Variants in FGFR3 observed in about 807,000 individuals in gnomAD.
FGFR3 encodes the protein FGFR-3.
A neutral mutation model predicts 82.9 loss-of-function variants in FGFR3; 25 were observed. That is an observed-to-expected ratio of 0.30 (90% CI 0.22 to 0.42). The LOEUF is 0.42. Ranked by LOEUF, FGFR3 falls within the 10% of genes least tolerant of loss-of-function variation. The pLI is 1.00. For missense variants in FGFR3, 1,026 were observed against 1,161.0 expected (o/e 0.88, Z 1.69); for synonymous variants, 620 against 516.0 (o/e 1.20, Z -2.73).
rs1722159320 is a variant in FGFR3, at chr4:1,807,831, T to C, written c.*569T>C. The C allele has an allele frequency of 2.2e-6, 1 of 453,016 alleles. No individual in the cohort carries two copies. Among genetic ancestry groups the C allele is most frequent in the African/African-American group, 2.0e-5 (1 of 51,178 alleles). 28.1% of individuals were successfully genotyped at this position (453,016 alleles called of 1,614,324 possible). ...ACCTGAAGATGGGAGCCTTTACCTTTTATGCAAAAGGTTTATTCCGGAAAC... is the reference window on the plus strand; with the variant it reads ...ACCTGAAGATGGGAGCCTTTACCTTCTATGCAAAAGGTTTATTCCGGAAAC... On this transcript the variant is annotated 3_prime_UTR_variant, in exon 18 of 18. Coordinates refer to ENST00000440486, the MANE Select transcript of FGFR3 (RefSeq NM_000142.5).
intron 2 of FGFR3, among the ~76,000 whole-genome samples, chr4:1,798,011 G>A (rs1344363834): frequency 6.6e-6 from 1 of 152,154 alleles, no homozygotes; most frequent in Non-Finnish European, 1.5e-5. Context: ...AGGCTGCCTG[G>A]GGGACCACCC....
intron 2 of FGFR3, 93 bp from the exon 3 acceptor site, chr4:1,799,161 C>G: frequency 6.3e-7 from 1 of 1,576,152 alleles, no homozygotes; most frequent in East Asian, 2.2e-5. Flanking sequence ...CAGAGCCTTC[C>G]TCACTCAGGG....
At position 1,799,138 on chromosome 4, in the gene FGFR3, C is replaced by A. The variant is rs1720880257; in HGVS notation, c.110-116C>A. ...TTTCCAGCCCCTGGTCTGGTGGGAC[C>A]CTGGATCTGGGTCAGAGCCTTCCTC... On this transcript the variant is annotated intron_variant, in intron 2 of 17. Transcript: ENST00000440486. 24 of 1,442,148 alleles carry A rather than the reference C, an allele frequency of 1.7e-5. No homozygotes were observed. The Middle Eastern group carries it at 1.4e-3, about 87-fold the overall frequency. 89.3% of individuals were successfully genotyped at this position (1,442,148 alleles called of 1,614,324 possible). A position where few individuals can be genotyped will look rare whatever the true frequency, so the allele number is the denominator to read the frequency against.
chr4:1,805,134 G>C (rs1449849161), intron 10 of FGFR3, among the ~76,000 whole-genome samples, 165 bp downstream of exon 10: 1 of 152,264 alleles, frequency 6.6e-6, no homozygotes. Flanking sequence ...TGTATGGCAG[G>C]GACTGCCCCT....
At chr4:1,798,188 G>A (rs1375082283) in intron 2 of FGFR3, among the ~76,000 whole-genome samples, 1 of 152,020 alleles carries the variant, frequency 6.6e-6, no homozygotes, top group African/African-American at 2.4e-5. Context: ...GGGACCCAGG[G>A]GCCACCTGCA....
chr4:1,796,254 A>G (rs996685337), intron 2 of FGFR3, among the ~76,000 whole-genome samples: 1 of 151,986 alleles, frequency 6.6e-6, no homozygotes, highest in Non-Finnish European at 1.5e-5. Flanking sequence ...TGTCCAAGAG[A>G]ACCGATAATG....
In FGFR3 at chr4:1,803,117, T is replaced by C. The variant is rs941756439; in HGVS notation, c.931-575T>C. 11 of 1,481,122 alleles carry C rather than the reference T, an allele frequency of 7.4e-6. No homozygotes were observed. The African/African-American group carries it at 1.5e-4, about 20-fold the overall frequency. 91.7% of individuals were successfully genotyped at this position (1,481,122 alleles called of 1,614,324 possible). A position where few individuals can be genotyped will look rare whatever the true frequency, so the allele number is the denominator to read the frequency against. ...CACAAGAGCTCCAGCTCCAAGGCCC[T>C]GGCCGCGCGCCCTGCACGCCCCGCA... On this transcript the variant is annotated intron_variant, in intron 7 of 17. Coordinates refer to ENST00000440486, the MANE Select transcript of FGFR3 (RefSeq NM_000142.5).
At chr4:1,804,237 C>G (rs926502518) in intron 8 of FGFR3, 93 bp from the exon 9 acceptor site, 1 of 1,429,026 alleles carries the variant, frequency 7.0e-7, no homozygotes, top group Non-Finnish European at 9.4e-7. Flanking sequence ...CCCTTCCGCT[C>G]CCAGTGGTGC....
chr4:1,798,217 G>A (rs1720748424), intron 2 of FGFR3, among the ~76,000 whole-genome samples: 1 of 151,996 alleles, frequency 6.6e-6, no homozygotes, highest in African/African-American at 2.4e-5. Context: ...CCTGTGGGTG[G>A]GCCCCCACCC....
chr4:1,806,382 C>G (rs1577292707), intron 15 of FGFR3, 55 bp downstream of exon 15: 1 of 1,606,942 alleles, frequency 6.2e-7, no homozygotes, highest in Non-Finnish European at 8.5e-7. Flanking sequence ...CTGGGCAGAG[C>G]CAGGACCCCA....
intron 15 of FGFR3, 94 bp downstream of exon 15, chr4:1,806,421 G>A (rs1721926671): frequency 1.2e-6 from 2 of 1,602,218 alleles, no homozygotes; most frequent in Admixed American, 1.7e-5. Context: ...GTGCCCTGGA[G>A]CTCCTGGGTG....
chr4:1,799,584 T>C, intron 3 of FGFR3, 61 bp downstream of exon 3: 1 of 1,548,908 alleles, frequency 6.5e-7, no homozygotes, highest in Non-Finnish European at 8.7e-7. Context: ...CCTGAGTCCC[T>C]GCGTGGGTCA....
intron 16 of FGFR3, 38 bp downstream of exon 16, chr4:1,806,721 G>A (rs1721969235): frequency 6.2e-7 from 1 of 1,610,010 alleles, no homozygotes; most frequent in Non-Finnish European, 8.5e-7. Context: ...GGTCCTCAGG[G>A]GTGGGGGTCC....
intron 2 of FGFR3, among the ~76,000 whole-genome samples, chr4:1,795,125 A>G (rs1720327424): frequency 1.3e-5 from 2 of 151,436 alleles, no homozygotes; most frequent in Admixed American, 1.3e-4. Context: ...CATTTTTTTT[A>G]TGAATGAAAG....
At chr4:1,802,992 C>A in intron 7 of FGFR3, 1 of 1,599,828 alleles carries the variant, frequency 6.3e-7, no homozygotes, top group Non-Finnish European at 8.5e-7. Context: ...GGGCGAGTAC[C>A]TCTGTCGAGC....
At chr4:1,802,438 A>G (rs894397695) in intron 7 of FGFR3, among the ~76,000 whole-genome samples, 6 of 152,198 alleles carry the variant, frequency 3.9e-5, no homozygotes, top group Admixed American at 2.6e-4. Context: ...GTGGGGCCCG[A>G]GCTCACTGTC....
Position 1,805,396 on chromosome 4 carries a change from A to G in FGFR3, c.1454A>G (p.Gln485Arg), listed in dbSNP as rs267606808. ...CCCCTTGGGGAGGGCTGCTTCGGCC[A>G]GGTGGTCATGGCGGAGGCCATCGGC... ...GKPLGEGCFG[Q>R]VVMAEAIGID... Residue 485 changes from glutamine (Q) to arginine (R), a missense_variant, in exon 11 of 18, where the codon CAG becomes CGG. By Grantham distance (43) the Gln-to-Arg change is conservative (BLOSUM62 1). Around this residue, in one of 9 missense-constraint regions of FGFR3, gnomAD observed 22 missense variants for 52.8 expected, o/e 0.42. Transcript: ENST00000440486. 2 of 1,612,488 alleles carry G rather than the reference A, an allele frequency of 1.2e-6. No individual in the cohort carries two copies. Among genetic ancestry groups the G allele is most frequent in the Middle Eastern group, 1.7e-4 (1 of 5,964 alleles).
chr4:1,797,276 C>T (rs1679715575), intron 2 of FGFR3, among the ~76,000 whole-genome samples: 1 of 152,138 alleles, frequency 6.6e-6, no homozygotes, highest in Non-Finnish European at 1.5e-5. Context: ...GGAGTCAGAC[C>T]CTGAACTTAT....
rs1721824214 is a variant in FGFR3 at position 1,805,766 on chromosome 4, G to A, written c.1662G>A (p.Leu554=). ...TGTCCCCAGGGCCCCTGTACGTGCT[G>A]GTGGAGTACGCGGCCAAGGGTAACC... ...ACTQGGPLYV[L]VEYAAKGNLR... is the part of the protein sequence containing the mutation. The change falls in exon 13 of 18, where the codon CTG becomes CTA. Residue 554 remains leucine (L), a synonymous_variant. Transcript: ENST00000440486. 6.2e-7 allele frequency: 1 copy of A among 1,612,580 alleles called. No individual in the cohort carries two copies. Among genetic ancestry groups the A allele is most frequent in the Middle Eastern group, 1.7e-4 (1 of 6,018 alleles).
Sources: allele counts gnomAD v4.1 joint callset (sites outside exome capture counted in the v4.1 genomes callset), GRCh38; gene constraint gnomAD v4.1.1; regional missense constraint gnomAD v4.1.1; transcripts MANE v1.5; gene names NCBI Gene and HGNC (gene_info 2026-07-23, HGNC 2026-07-21).